The following AGBL1 variants were observed in gnomAD, a reference collection of about 807,000 sequenced individuals.
AGBL1 encodes cytosolic carboxypeptidase 4.
In AGBL1, 130 loss-of-function variants were observed where a neutral mutation model predicts 118.9. The observed-to-expected ratio is 1.09, with a 90% CI of 0.95 to 1.26. AGBL1 has a LOEUF of 1.26. Ranked by LOEUF, AGBL1 falls within the 50% of genes most tolerant of loss-of-function variation. The pLI, the probability that AGBL1 is intolerant of heterozygous loss-of-function variation, is 0.00. For synonymous variants in AGBL1, 555 were observed against 478.9 expected (o/e 1.16, Z -2.08); for missense variants, 1,584 against 1,298.1 (o/e 1.22, Z -3.38).
chr15:86,220,266 C>G (rs893219456), intron 5 of AGBL1, among the ~76,000 whole-genome samples: 3 of 152,008 alleles, frequency 2.0e-5, no homozygotes, highest in African/African-American at 7.2e-5. Flanking sequence ...CTGCCTCTTG[C>G]TAGCTGCTGA....
At chr15:87,010,530 G>A (rs1010984414) in intron 24 of AGBL1, among the ~76,000 whole-genome samples, 1 of 152,162 alleles carries the variant, frequency 6.6e-6, no homozygotes, top group Non-Finnish European at 1.5e-5. Flanking sequence ...CACTCTTTCT[G>A]CTGGAGCTGG....
chr15:86,136,151 A>G (rs1402344413), intron 1 of AGBL1, among the ~76,000 whole-genome samples: 1 of 152,148 alleles, frequency 6.6e-6, no homozygotes, highest in Non-Finnish European at 1.5e-5. Flanking sequence ...AAGCAGTAGA[A>G]TCTCCCAGCC....
At chr15:86,738,918 C>T (rs2077639131) in intron 22 of AGBL1, among the ~76,000 whole-genome samples, 2 of 151,820 alleles carry the variant, frequency 1.3e-5, no homozygotes, top group African/African-American at 2.4e-5. Context: ...GCAGGAGGAT[C>T]GTTGAGCCCA....
intron 22 of AGBL1, among the ~76,000 whole-genome samples, chr15:86,723,934 A>C (rs2142729833): frequency 6.6e-6 from 1 of 152,178 alleles, no homozygotes; most frequent in Admixed American, 6.5e-5. Flanking sequence ...TAAGATGACT[A>C]AATCAAAAGG....
chr15:86,227,826 T>G (rs912140285), intron 6 of AGBL1, among the ~76,000 whole-genome samples: 3 of 152,190 alleles, frequency 2.0e-5, no homozygotes, highest in African/African-American at 7.2e-5. Context: ...TACAAAGTAC[T>G]TTGGAGGGAA....
Position 86,269,843 on chromosome 15 carries a change from C to A in AGBL1, c.1839-76C>A. On this transcript the variant is annotated intron_variant, in intron 13 of 22. Coordinates refer to ENST00000614907, the MANE Select transcript of AGBL1 (RefSeq NM_001386094.1). ...TAGATCTGTAACCCAGAAACTGAAA[C>A]GTGTAGATTCTTAGTGTCTGAAGTT... The A allele has an allele frequency of 4.7e-6, 7 of 1,502,482 alleles. No individual in the cohort carries two copies. The South Asian group carries it at 9.0e-5, about 19-fold the overall frequency. The allele number at this position is 1,502,482 out of a possible 1,614,324, so 93.1% of individuals were successfully genotyped here. A position where few individuals can be genotyped will look rare whatever the true frequency, so the allele number is the denominator to read the frequency against.
rs1567185613 is a variant in AGBL1, at chr15:86,298,248, TATATATA to T, written c.2374+2841_2374+2847del. Among the ~76,000 whole-genome samples the T allele has an allele frequency of 6.7e-3, 315 of 46,740 alleles. 20 individuals are homozygous for T. Among genetic ancestry groups the T allele is most frequent in the African/African-American group, 0.018 (262 of 14,208 alleles). The allele number at this position is 46,740 out of a possible 152,430, so 30.7% of individuals were successfully genotyped here. A position where few individuals can be genotyped will look rare whatever the true frequency, so the allele number is the denominator to read the frequency against. ...ATACAGGGTACGTGTCTGTGTATAA[TATATATA>T]TATATATATATATATATATATATAT... is the stretch of plus-strand genomic sequence containing the variant. On this transcript the variant is annotated intron_variant, in intron 17 of 22. Transcript: ENST00000614907.
In AGBL1 at chr15:86,264,532, G is replaced by A; in HGVS notation, c.1361G>A (p.Ser454Asn). 1 of 1,614,062 alleles carries A rather than the reference G, an allele frequency of 6.2e-7. No individual in the cohort carries two copies. The highest frequency in any genetic ancestry group is 8.5e-7 in the Non-Finnish European group (1 of 1,179,894). The change falls in exon 11 of 23, where the codon AGT becomes AAT. Residue 454 changes from serine (S) to asparagine (N), a missense_variant. Coordinates refer to ENST00000614907, the MANE Select transcript of AGBL1 (RefSeq NM_001386094.1). The part of the protein sequence containing the change: ...SNSLRRDSSE[S>N]EIPDIQASPK... ...AGTCTCAGGAGAGATTCTTCTGAAAGTGAAATCCCTGACATTCAGGCTTCC... is the reference window on the plus strand; with the variant it reads ...AGTCTCAGGAGAGATTCTTCTGAAAATGAAATCCCTGACATTCAGGCTTCC...
At chr15:86,946,657 G>A (rs2080825627) in intron 23 of AGBL1, among the ~76,000 whole-genome samples, 1 of 151,784 alleles carries the variant, frequency 6.6e-6, no homozygotes, top group Non-Finnish European at 1.5e-5. Flanking sequence ...AGACCAGCCT[G>A]ACCAACATGG....
At chr15:86,559,423 T>G (rs923956959) in intron 21 of AGBL1, among the ~76,000 whole-genome samples, 9 of 152,184 alleles carry the variant, frequency 5.9e-5, no homozygotes, top group African/African-American at 1.9e-4. Flanking sequence ...TTATAACAGT[T>G]CTTATTTTCT....
chr15:86,365,226 T>C (rs968503166), intron 17 of AGBL1, among the ~76,000 whole-genome samples: 1 of 152,116 alleles, frequency 6.6e-6, no homozygotes, highest in African/African-American at 2.4e-5. Flanking sequence ...ATTGGATTAA[T>C]TAGAATTAAT....
At chr15:86,893,804 A>G (rs573316692) in intron 22 of AGBL1, among the ~76,000 whole-genome samples, 1 of 152,300 alleles carries the variant, frequency 6.6e-6, no homozygotes, top group African/African-American at 2.4e-5. Context: ...GTTCTATGCT[A>G]TGGCATTTGT....
intron 22 of AGBL1, among the ~76,000 whole-genome samples, chr15:86,787,270 A>G (rs542654317): frequency 1.3e-5 from 2 of 152,254 alleles, no homozygotes; most frequent in Admixed American, 6.5e-5. Flanking sequence ...AGCACCTAAA[A>G]TCTATTAACA....
intron 23 of AGBL1, among the ~76,000 whole-genome samples, chr15:86,956,339 T>G (rs182100684): frequency 6.6e-6 from 1 of 152,020 alleles, no homozygotes; most frequent in East Asian, 1.9e-4. Context: ...GATAGATAGA[T>G]AGATGATAGA....
At chr15:86,113,023 A>G (rs1251600702) in intron 1 of AGBL1, among the ~76,000 whole-genome samples, 3 of 152,104 alleles carry the variant, frequency 2.0e-5, no homozygotes, top group African/African-American at 7.2e-5. Context: ...CATGCCTTCC[A>G]CTGGAAAAAT....
At chr15:86,951,560 AAG>A (rs1364670857) in intron 23 of AGBL1, among the ~76,000 whole-genome samples, 1 of 152,198 alleles carries the variant, frequency 6.6e-6, no homozygotes, top group African/African-American at 2.4e-5. Context: ...GGAGATGCAA[AAG>A]ATCATATTAA....
rs184433847 is a variant in AGBL1, at chr15:86,621,571, T to A, written c.2995-52702T>A. 1.2e-3 allele frequency among the ~76,000 whole-genome samples: 179 copies of A among 152,314 alleles called. 2 individuals carry two copies. Among genetic ancestry groups the A allele is most frequent in the East Asian group, 6.6e-3 (34 of 5,168 alleles). On this transcript the variant is annotated intron_variant, in intron 21 of 22. Transcript: ENST00000614907. ...TGTGTCTCTCCTCTTCTTGAAAGGATAATAGTCATTGGATCTTAGACTCAC... is the reference window on the plus strand; with the variant it reads ...TGTGTCTCTCCTCTTCTTGAAAGGAAAATAGTCATTGGATCTTAGACTCAC...
chr15:86,648,997 T>C (rs1336980338), intron 21 of AGBL1, among the ~76,000 whole-genome samples: 1 of 152,068 alleles, frequency 6.6e-6, no homozygotes, highest in Non-Finnish European at 1.5e-5. Flanking sequence ...AAGAGTGATA[T>C]GAAGAGACCC....
At chr15:86,242,712 T>C (rs1319351089) in intron 6 of AGBL1, among the ~76,000 whole-genome samples, 7 of 152,224 alleles carry the variant, frequency 4.6e-5, no homozygotes, top group African/African-American at 1.4e-4. Context: ...CTTAAGGTCA[T>C]CACTGCTCCC....
Sources: gnomAD v4.1 joint callset for allele counts (sites outside exome capture counted in the v4.1 genomes callset) on GRCh38, gnomAD v4.1.1 for gene constraint, MANE v1.5 for transcripts, NCBI Gene and HGNC (gene_info 2026-07-23, HGNC 2026-07-21) for gene names.